ZNG1F: variants seen among roughly 807,000 people sequenced by gnomAD.
The protein encoded by ZNG1F is zinc-regulated GTPase metalloprotein activator 1F.
At chr9:41,158,836 C>A in the ZNG1F span, 3 of 101,052 alleles carry the variant, frequency 3.0e-5, no homozygotes, top group Non-Finnish European at 6.2e-5. Context: ...GAGATAAAAC[C>A]ATGAGATCTT....
chr9:41,203,043 T>C, the ZNG1F span, among the ~76,000 whole-genome samples: 1 of 152,340 alleles, frequency 6.6e-6, no homozygotes, highest in South Asian at 2.1e-4. Flanking sequence ...GGATTTGTCT[T>C]ATGTTTCAGC....
the ZNG1F span, chr9:41,158,887 A>C: frequency 2.1e-5 from 3 of 140,786 alleles, 1 homozygote; most frequent in African/African-American, 7.7e-5. Flanking sequence ...AAAAAAAAGG[A>C]AAAAAAAGAC....
the ZNG1F span, chr9:41,158,262 CGA>C: frequency 8.6e-6 from 1 of 116,952 alleles, no homozygotes; most frequent in Non-Finnish European, 1.8e-5. Flanking sequence ...TTCAGTGAGC[CGA>C]GATCGCACCA....
chr9:41,139,740 GATAAA>G, the ZNG1F span, among the ~76,000 whole-genome samples: 3 of 151,670 alleles, frequency 2.0e-5, no homozygotes, highest in African/African-American at 7.3e-5. Flanking sequence ...CAGTTGAATG[GATAAA>G]ATAAATGTGG....
the ZNG1F span, among the ~76,000 whole-genome samples, chr9:41,148,548 CAT>C: frequency 7.0e-6 from 1 of 141,886 alleles, no homozygotes; most frequent in Non-Finnish European, 1.5e-5. Flanking sequence ...AGGTGAAAAA[CAT>C]ATCTCTCAAC....
the ZNG1F span, among the ~76,000 whole-genome samples, chr9:41,160,471 G>A: frequency 1.1e-5 from 1 of 89,352 alleles, no homozygotes; most frequent in Admixed American, 1.4e-4. Context: ...CACCCAGGCT[G>A]GAGTGCAGTG....
chr9:41,138,132 G>A, the ZNG1F span, among the ~76,000 whole-genome samples: 559 of 138,760 alleles, frequency 4.0e-3, 87 homozygotes, highest in Middle Eastern at 7.1e-3. Flanking sequence ...TATGTTTCCC[G>A]GATTTGTTTC....
the ZNG1F span, among the ~76,000 whole-genome samples, chr9:41,187,046 C>A: frequency 1.4e-5 from 2 of 144,846 alleles, no homozygotes; most frequent in African/African-American, 2.5e-5. Context: ...TTTCGCAGGG[C>A]AGTGATGTGA....
chr9:41,139,671 T>C, the ZNG1F span, among the ~76,000 whole-genome samples: 2 of 151,838 alleles, frequency 1.3e-5, 1 homozygote, highest in Non-Finnish European at 2.9e-5. Context: ...GTGAGACTTT[T>C]AAAAGTACTT....
chr9:41,173,964 G>A, the ZNG1F span, among the ~76,000 whole-genome samples: 1 of 149,114 alleles, frequency 6.7e-6, no homozygotes, highest in East Asian at 2.0e-4. Context: ...GCTCACGCCT[G>A]TAATCCCAGC....
the ZNG1F span, among the ~76,000 whole-genome samples, chr9:41,193,415 G>GACCAA: frequency 7.1e-5 from 10 of 141,408 alleles, no homozygotes; most frequent in Admixed American, 5.2e-4. Flanking sequence ...AAGCAGACCA[G>GACCAA]ACCAAACCAA....
chr9:41,187,386 T>TA, the ZNG1F span, among the ~76,000 whole-genome samples: 1 of 132,100 alleles, frequency 7.6e-6, no homozygotes, highest in African/African-American at 2.9e-5. Context: ...GGAGTCACAG[T>TA]AAAAAAGTAC....
At chr9:41,156,103 T>G in the ZNG1F span, among the ~76,000 whole-genome samples, 1 of 130,552 alleles carries the variant, frequency 7.7e-6, no homozygotes, top group African/African-American at 3.1e-5. Flanking sequence ...CATTTTCTCA[T>G]AGAAAGAGTA....
At chr9:41,139,488 C>T in the ZNG1F span, among the ~76,000 whole-genome samples, 7 of 147,992 alleles carry the variant, frequency 4.7e-5, no homozygotes, top group South Asian at 6.4e-4. Flanking sequence ...CAGAGAGTGT[C>T]AGTTGTGGTA....
At chr9:41,154,408 T>A in the ZNG1F span, among the ~76,000 whole-genome samples, 1 of 144,222 alleles carries the variant, frequency 6.9e-6, no homozygotes, top group African/African-American at 2.6e-5. Context: ...AGAATCAATA[T>A]CCTGAAAATG....
chr9:41,183,690 A>T, the ZNG1F span: 1 of 1,606,506 alleles, frequency 6.2e-7, no homozygotes, highest in Non-Finnish European at 8.5e-7. Flanking sequence ...ATAAATAAAC[A>T]AACTCTTTAG....
chr9:41,175,069 C>T, the ZNG1F span, among the ~76,000 whole-genome samples: 3 of 142,598 alleles, frequency 2.1e-5, no homozygotes, highest in Non-Finnish European at 3.0e-5. Flanking sequence ...TTGAAAGCAT[C>T]ACAGGCCCAG....
the ZNG1F span, among the ~76,000 whole-genome samples, chr9:41,173,818 A>G: frequency 6.9e-6 from 1 of 145,504 alleles, no homozygotes; most frequent in Admixed American, 7.1e-5. Flanking sequence ...TTTAATCTAT[A>G]TGAACAAAGA....
the ZNG1F span, among the ~76,000 whole-genome samples, chr9:41,148,854 G>GAAAAA: frequency 1.1e-5 from 1 of 89,122 alleles, no homozygotes; most frequent in African/African-American, 4.7e-5. Flanking sequence ...ACTGAAGGTG[G>GAAAAA]AAAAAAAAAC....
Sources: allele counts gnomAD v4.1 joint callset (sites outside exome capture counted in the v4.1 genomes callset), GRCh38; gene constraint gnomAD v4.1.1; transcripts MANE v1.5; gene names NCBI Gene and HGNC (gene_info 2026-07-23, HGNC 2026-07-21).